Variants in RTTN observed in about 807,000 individuals in gnomAD.
The protein encoded by RTTN is rotatin.
A neutral mutation model predicts 269.2 loss-of-function variants in RTTN; 182 were observed. The observed-to-expected ratio is 0.68, with a 90% CI of 0.60 to 0.76. RTTN has a LOEUF of 0.76. RTTN is among the 30% of genes least tolerant of loss of function. The probability of loss-of-function intolerance (pLI) is 0.00; values close to 1 mark genes in which losing one functional copy is unlikely to be tolerated. For synonymous variants in RTTN, 1,006 were observed against 963.5 expected, an observed-to-expected ratio of 1.04 and a Z score of -0.82; for missense variants, 2,545 against 2,608.6, an observed-to-expected ratio of 0.98 and a Z score of 0.53.
chr18:70,042,234 GC>G (rs1454222045), intron 40 of RTTN, among the ~76,000 whole-genome samples: 1 of 150,428 alleles, frequency 6.6e-6, no homozygotes, highest in Non-Finnish European at 1.5e-5. Flanking sequence ...CCCCAAGAGA[GC>G]CCAGTACAAT....
Position 70,201,969 on chromosome 18 carries a change from G to T in RTTN, c.412C>A (p.Pro138Thr), listed in dbSNP as rs768954830. The change falls in exon 4 of 49, where the codon CCT becomes ACT. Residue 138 changes from proline to threonine, a missense_variant. Pro to Thr is a conservative substitution (Grantham distance 38, BLOSUM62 -1). Coordinates refer to ENST00000640769, the MANE Select transcript of RTTN (RefSeq NM_173630.4). The stretch of plus-strand genomic sequence containing the variant: ...GGAAAATATCCTGTTAAGATTTCAG[G>T]GTTTTTTGACAATTCTGAAAAGGAA... ...QTNQTELSKN[P>T]EILTGYFPQD... is the part of the protein sequence containing the mutation. 1 of 1,603,456 alleles carries T rather than the reference G, an allele frequency of 6.2e-7. No homozygotes were observed. The highest frequency in any genetic ancestry group is 2.2e-5 in the East Asian group (1 of 44,686).
At chr18:70,087,525 T>C (rs1421992546) in intron 31 of RTTN, among the ~76,000 whole-genome samples, 1 of 151,914 alleles carries the variant, frequency 6.6e-6, no homozygotes, top group Non-Finnish European at 1.5e-5. Context: ...ACCATTTACA[T>C]GAATCATTAC....
intron 11 of RTTN, among the ~76,000 whole-genome samples, chr18:70,174,004 G>A (rs990417454): frequency 6.6e-6 from 1 of 152,074 alleles, no homozygotes; most frequent in Admixed American, 6.5e-5. Context: ...GGAGAAGGAG[G>A]GAGAGGTAAC....
At chr18:70,071,883 A>G in intron 34 of RTTN, among the ~76,000 whole-genome samples, 1 of 152,190 alleles carries the variant, frequency 6.6e-6, no homozygotes, top group East Asian at 1.9e-4. Flanking sequence ...CTAACCAATA[A>G]AGGATTGCAT....
chr18:70,166,165 G>A lies in RTTN; in HGVS notation c.1826C>T (p.Pro609Leu). ...SKIWKSAQAS[P>L]LLQGESQKVL... ...CTTCTGACTTTCTCCTTGTAGTAAT[G>A]GACTGGCCTGAGCAGATTTCCAGCT... Residue 609 changes from proline (P) to leucine (L), a missense_variant, in exon 14 of 49, where the codon CCA becomes CTA. By Grantham distance (98) the Pro-to-Leu change is moderately conservative. Coordinates refer to ENST00000640769, the MANE Select transcript of RTTN (RefSeq NM_173630.4). 6.2e-7 allele frequency: 1 copy of A among 1,613,142 alleles called. No homozygotes were observed. Among genetic ancestry groups the A allele is most frequent in the Non-Finnish European group, 8.5e-7 (1 of 1,179,322 alleles).
At chr18:70,075,310 T>C (rs2058398259) in intron 33 of RTTN, 42 bp downstream of exon 33, 3 of 1,347,870 alleles carry the variant, frequency 2.2e-6, no homozygotes, top group Non-Finnish European at 2.0e-6. Context: ...TTTTTACAAG[T>C]TACATATTAC....
At chr18:70,165,930 T>C in intron 14 of RTTN, 132 bp downstream of exon 14, 1 of 787,988 alleles carries the variant, frequency 1.3e-6, no homozygotes, top group Non-Finnish European at 1.9e-6. Flanking sequence ...TGACTAGTAA[T>C]TATCATCTAC....
chr18:70,199,425 G>C lies in RTTN; in HGVS notation c.567C>G (p.Ser189=). The C allele has an allele frequency of 6.2e-7, 1 of 1,608,772 alleles. No homozygotes were observed. The highest frequency in any genetic ancestry group is 8.5e-7 in the Non-Finnish European group (1 of 1,175,384). Residue 189 remains serine, a synonymous_variant, in exon 5 of 49, where the codon TCC becomes TCG. Transcript: ENST00000640769. ...ATCAAGCACCGTACCTTTCATTAGA[G>C]GAGAGGACATGTCTGTCTGTGGTGG... ...PLTTTDRHVL[S]SNESSLRSSN...
chr18:70,026,659 T>C (rs1339318404), intron 43 of RTTN, among the ~76,000 whole-genome samples: 1 of 152,222 alleles, frequency 6.6e-6, no homozygotes, highest in African/African-American at 2.4e-5. Flanking sequence ...AACGGCCTAA[T>C]GCAATCTCCA....
chr18:70,076,198 T>C (rs1028790489), intron 32 of RTTN, among the ~76,000 whole-genome samples: 3 of 152,066 alleles, frequency 2.0e-5, no homozygotes, highest in African/African-American at 4.8e-5. Flanking sequence ...GAGTATCTAA[T>C]AGCAAAAAGC....
intron 34 of RTTN, 98 bp downstream of exon 34, chr18:70,073,808 T>C: frequency 2.4e-6 from 2 of 826,720 alleles, no homozygotes; most frequent in South Asian, 1.5e-5. Context: ...ATCATAGCTG[T>C]TATAACCTTA....
intron 41 of RTTN, among the ~76,000 whole-genome samples, chr18:70,030,366 T>C (rs1371714130): frequency 6.6e-6 from 1 of 152,226 alleles, no homozygotes; most frequent in African/African-American, 2.4e-5. Context: ...TCATTTGTTG[T>C]AGTCGCAAAT....
chr18:70,194,939 G>C (rs1387635673), intron 7 of RTTN, among the ~76,000 whole-genome samples: 1 of 151,904 alleles, frequency 6.6e-6, no homozygotes, highest in Non-Finnish European at 1.5e-5. Flanking sequence ...GTTTATAATG[G>C]CATATTTTAT....
intron 8 of RTTN, 81 bp downstream of exon 8, chr18:70,193,207 A>ATAAT (rs1299763001): frequency 7.4e-7 from 1 of 1,352,288 alleles, no homozygotes; most frequent in Non-Finnish European, 1.0e-6. Flanking sequence ...GGACAGAAAA[A>ATAAT]TAATTATCTC....
At chr18:70,142,083 A>G (rs1392595357) in intron 19 of RTTN, among the ~76,000 whole-genome samples, 1 of 152,192 alleles carries the variant, frequency 6.6e-6, no homozygotes, top group Non-Finnish European at 1.5e-5. Context: ...ACACACACAT[A>G]TGGTCTCTCG....
At chr18:70,023,936 T>C (rs1465495572) in intron 44 of RTTN, among the ~76,000 whole-genome samples, 1 of 152,064 alleles carries the variant, frequency 6.6e-6, no homozygotes, top group East Asian at 1.9e-4. Context: ...GCATGCACCA[T>C]CATGCCTGGC....
chr18:70,009,943 T>G (rs1204902512), intron 46 of RTTN, among the ~76,000 whole-genome samples: 1 of 151,526 alleles, frequency 6.6e-6, no homozygotes, highest in Non-Finnish European at 1.5e-5. Context: ...AATCTTAGCC[T>G]CTGATAAAAA....
intron 28 of RTTN, among the ~76,000 whole-genome samples, chr18:70,101,593 C>A (rs7232250): frequency 0.83 from 125,482 of 151,998 alleles, 55,156 homozygotes; most frequent in East Asian, 1. Context: ...CTGCTCTGTT[C>A]TTAGTTATTT....
intron 23 of RTTN, chr18:70,131,540 T>G (rs1241162642): frequency 1.3e-5 from 2 of 151,722 alleles, no homozygotes; most frequent in Non-Finnish European, 2.9e-5. Flanking sequence ...ATAGAAATAA[T>G]GTATATAGAA....
Sources: gnomAD v4.1 joint callset for allele counts (sites outside exome capture counted in the v4.1 genomes callset) on GRCh38, gnomAD v4.1.1 for gene constraint, MANE v1.5 for transcripts, NCBI Gene and HGNC (gene_info 2026-07-23, HGNC 2026-07-21) for gene names.